KDM4C: variants seen among roughly 807,000 people sequenced by gnomAD.
KDM4C encodes the protein lysine-specific demethylase 4C.
In KDM4C, 81 loss-of-function variants were observed where a neutral mutation model predicts 129.3. The ratio of observed to expected loss-of-function variants is 0.63; its 90% CI spans 0.52 to 0.75. The LOEUF is 0.75. KDM4C is among the 30% of genes least tolerant of loss of function. KDM4C has a pLI of 0.00. For missense variants in KDM4C, 1,457 were observed against 1,304.0 expected, an observed-to-expected ratio of 1.12 and a Z score of -1.81; for synonymous variants, 573 against 456.1, an observed-to-expected ratio of 1.26 and a Z score of -3.26.
At chr9:7,121,234 C>T (rs1387584409) in intron 18 of KDM4C, among the ~76,000 whole-genome samples, 12 of 152,156 alleles carry the variant, frequency 7.9e-5, no homozygotes, top group Admixed American at 7.9e-4. Context: ...AGCTATGCTG[C>T]CTCATGCATC....
chr9:6,879,943 A>G (rs981218342), intron 5 of KDM4C, 69 bp from the exon 6 acceptor site: 18 of 693,124 alleles, frequency 2.6e-5, no homozygotes, highest in South Asian at 4.1e-5. Flanking sequence ...TTATTTAGGA[A>G]TAGATGTCCT....
At chr9:6,831,321 A>T (rs1416968364) in intron 4 of KDM4C, among the ~76,000 whole-genome samples, 1 of 151,958 alleles carries the variant, frequency 6.6e-6, no homozygotes, top group Non-Finnish European at 1.5e-5. Flanking sequence ...TTATAGACCC[A>T]TACTCCTCCC....
chr9:6,828,839 C>G (rs1475618431), intron 4 of KDM4C, among the ~76,000 whole-genome samples: 1 of 151,726 alleles, frequency 6.6e-6, no homozygotes, highest in Non-Finnish European at 1.5e-5. Context: ...CCATTGCACT[C>G]CAGCCTGGGC....
At position 6,986,458 on chromosome 9, in the gene KDM4C, T is replaced by C; in HGVS notation, c.1469T>C (p.Leu490Ser). 1 of 1,614,138 alleles carries C rather than the reference T, an allele frequency of 6.2e-7. No individual in the cohort carries two copies. The highest frequency in any genetic ancestry group is 8.5e-7 in the Non-Finnish European group (1 of 1,180,002). Residue 490 changes from leucine to serine, a missense_variant, in exon 11 of 22, where the codon TTG (leucine) becomes TCG (serine). Leu to Ser is a moderately radical substitution (Grantham distance 145). Transcript: ENST00000381309. ...ISSEADDSIP[L>S]SSGYEKPEKS... ...AGTGAGGCTGATGATTCCATTCCATTGTCTAGTGGCTATGAGAAGCCCGAG... is the reference window on the plus strand; with the variant it reads ...AGTGAGGCTGATGATTCCATTCCATCGTCTAGTGGCTATGAGAAGCCCGAG...
At chr9:7,131,225 A>G (rs748123779) in intron 19 of KDM4C, among the ~76,000 whole-genome samples, 28 of 152,272 alleles carry the variant, frequency 1.8e-4, no homozygotes, top group Non-Finnish European at 1.6e-4. Context: ...TAGTAGGAAT[A>G]ATTCAATCGT....
chr9:6,893,076 T>C lies in KDM4C; in HGVS notation c.784-19T>C. ...GAAGTCTTATTTTTACAAAATATTA[T>C]ATGTTTCCTACCTTGCAGATAACCC... is the stretch of plus-strand genomic sequence containing the variant. On this transcript the variant is annotated intron_variant, in intron 7 of 21. Coordinates refer to ENST00000381309, the MANE Select transcript of KDM4C (RefSeq NM_015061.6). 6.8e-7 allele frequency: 1 copy of C among 1,471,778 alleles called. No individual in the cohort carries two copies. The highest frequency in any genetic ancestry group is 9.0e-7 in the Non-Finnish European group (1 of 1,105,772). The allele number at this position is 1,471,778 out of a possible 1,614,324, so 91.2% of individuals were successfully genotyped here. A position where few individuals can be genotyped will look rare whatever the true frequency, so the allele number is the denominator to read the frequency against.
intron 17 of KDM4C, among the ~76,000 whole-genome samples, chr9:7,071,413 G>T (rs756279431): frequency 2.6e-4 from 40 of 152,162 alleles, no homozygotes; most frequent in African/African-American, 9.7e-4. Flanking sequence ...GCTACAATTA[G>T]CAAGTTAATG....
intron 5 of KDM4C, among the ~76,000 whole-genome samples, chr9:6,867,015 A>AT (rs1842132100): frequency 1.1e-4 from 13 of 114,254 alleles, no homozygotes; most frequent in African/African-American, 3.0e-4. Flanking sequence ...ATATATATAT[A>AT]TATTTTTTTT....
chr9:7,015,787 C>G, intron 14 of KDM4C, 66 bp from the exon 15 acceptor site: 1 of 1,078,504 alleles, frequency 9.3e-7, no homozygotes, highest in South Asian at 1.3e-5. Flanking sequence ...TATTTCAGTA[C>G]TGAGATCTGC....
At position 6,831,431 on chromosome 9, in the gene KDM4C, C is replaced by T. The variant is rs186207728; in HGVS notation, c.435+16686C>T. On this transcript the variant is annotated intron_variant, in intron 4 of 21. Coordinates refer to ENST00000381309, the MANE Select transcript of KDM4C (RefSeq NM_015061.6). ...CGGCCAGGCTCACTGCAACCTCCGT[C>T]TCCCTGGATCAAGTAATTCTCCTGC... Among the ~76,000 whole-genome samples, 316 of 152,142 alleles carry T rather than the reference C, an allele frequency of 2.1e-3. 2 individuals carry two copies. Among genetic ancestry groups the T allele is most frequent in the African/African-American group, 6.6e-3 (275 of 41,446 alleles).
At chr9:6,762,439 T>C (rs1437948544) in intron 1 of KDM4C, among the ~76,000 whole-genome samples, 1 of 152,114 alleles carries the variant, frequency 6.6e-6, no homozygotes. Context: ...CCCACAGTTC[T>C]GGGATTACAG....
At chr9:7,164,031 G>C (rs941756881) in intron 19 of KDM4C, among the ~76,000 whole-genome samples, 1 of 152,154 alleles carries the variant, frequency 6.6e-6, no homozygotes, top group African/African-American at 2.4e-5. Context: ...GTACATGGTA[G>C]ATTTCCAATC....
intron 19 of KDM4C, among the ~76,000 whole-genome samples, chr9:7,145,727 T>G (rs745971656): frequency 5.3e-5 from 8 of 152,238 alleles, no homozygotes; most frequent in Non-Finnish European, 1.2e-4. Context: ...AGAGCAAAAC[T>G]GAATAAACAC....
At chr9:7,126,185 A>G (rs1009774099) in intron 18 of KDM4C, among the ~76,000 whole-genome samples, 3 of 152,184 alleles carry the variant, frequency 2.0e-5, no homozygotes, top group Non-Finnish European at 4.4e-5. Context: ...TTAGGATGCC[A>G]GGAATATGTG....
intron 1 of KDM4C, among the ~76,000 whole-genome samples, chr9:6,765,683 G>A (rs992556148): frequency 2.0e-5 from 3 of 152,080 alleles, no homozygotes; most frequent in East Asian, 1.9e-4. Flanking sequence ...ACCAGGACAC[G>A]CATTGGGAAA....
At chr9:7,095,786 G>A (rs866069194) in intron 17 of KDM4C, among the ~76,000 whole-genome samples, 4 of 152,126 alleles carry the variant, frequency 2.6e-5, no homozygotes, top group African/African-American at 9.7e-5. Flanking sequence ...CTCTAGCAGG[G>A]TACAGTTGTA....
At chr9:7,141,954 TTAAC>T (rs1389976752) in intron 19 of KDM4C, among the ~76,000 whole-genome samples, 1 of 152,190 alleles carries the variant, frequency 6.6e-6, no homozygotes, top group East Asian at 1.9e-4. Flanking sequence ...ATAAACCCCA[TTAAC>T]TAACTTTCAC....
At chr9:6,943,444 C>CTTGCCTGTAATCCTGG (rs1390223228) in intron 8 of KDM4C, among the ~76,000 whole-genome samples, 1 of 152,154 alleles carries the variant, frequency 6.6e-6, no homozygotes, top group East Asian at 1.9e-4. Flanking sequence ...TGTAGTGGCT[C>CTTGCCTGTAATCCTGG]TTGCCTGTAA....
chr9:6,782,417 C>T (rs1022774676), intron 1 of KDM4C, among the ~76,000 whole-genome samples: 1 of 152,150 alleles, frequency 6.6e-6, no homozygotes, highest in African/African-American at 2.4e-5. Context: ...GGACCTTGAG[C>T]AAGCATTTTA....
Sources: allele counts gnomAD v4.1 joint callset (sites outside exome capture counted in the v4.1 genomes callset), GRCh38; gene constraint gnomAD v4.1.1; transcripts MANE v1.5; gene names NCBI Gene and HGNC (gene_info 2026-07-23, HGNC 2026-07-21).